GALNT1: variants seen among roughly 807,000 people sequenced by gnomAD.
GALNT1 encodes GalNAc transferase 1.
In GALNT1, 17 loss-of-function variants were observed where a neutral mutation model predicts 65.7. The observed-to-expected ratio is 0.26, with a 90% CI of 0.18 to 0.39. The LOEUF (loss-of-function observed/expected upper bound fraction) is 0.39. GALNT1 is among the 10% of genes least tolerant of loss of function. The pLI, the probability that GALNT1 is intolerant of heterozygous loss-of-function variation, is 1.00. For synonymous variants in GALNT1, 210 were observed against 219.7 expected, an observed-to-expected ratio of 0.96 and a Z score of 0.39; for missense variants, 460 against 672.8, an observed-to-expected ratio of 0.68 and a Z score of 3.50.
At chr18:35,706,848 G>GA (rs1435684166) in intron 11 of GALNT1, among the ~76,000 whole-genome samples, 2 of 152,066 alleles carry the variant, frequency 1.3e-5, no homozygotes, top group African/African-American at 4.8e-5. Flanking sequence ...TAACAGTCTA[G>GA]AAAAATAACA....
chr18:35,617,077 G>A (rs901039774), intron 1 of GALNT1, among the ~76,000 whole-genome samples: 1 of 152,028 alleles, frequency 6.6e-6, no homozygotes, highest in African/African-American at 2.4e-5. Context: ...TGTAATGCAA[G>A]CGGCGCATTG....
At chr18:35,630,719 G>C (rs2046994462) in intron 1 of GALNT1, among the ~76,000 whole-genome samples, 1 of 152,154 alleles carries the variant, frequency 6.6e-6, no homozygotes, top group South Asian at 2.1e-4. Flanking sequence ...AGAACTAAAG[G>C]AGATAGAGAC....
intron 1 of GALNT1, among the ~76,000 whole-genome samples, chr18:35,637,343 G>C (rs767922963): frequency 6.6e-6 from 1 of 152,202 alleles, no homozygotes; most frequent in Non-Finnish European, 1.5e-5. Flanking sequence ...GAAAAGTTCT[G>C]AATGGCAAGG....
At chr18:35,592,002 T>C (rs1046686842) in intron 1 of GALNT1, among the ~76,000 whole-genome samples, 3 of 152,198 alleles carry the variant, frequency 2.0e-5, no homozygotes, top group African/African-American at 7.2e-5. Context: ...CAGAGAAGGA[T>C]TCCAGGTGGA....
chr18:35,692,383 A>C (rs1370499027), intron 9 of GALNT1, 63 bp downstream of exon 9: 3 of 1,084,802 alleles, frequency 2.8e-6, no homozygotes, highest in African/African-American at 3.3e-5. Context: ...TATTAAAAAA[A>C]AATAGGAGTT....
chr18:35,667,859 T>C (rs1031036268), intron 3 of GALNT1, among the ~76,000 whole-genome samples: 2 of 152,212 alleles, frequency 1.3e-5, no homozygotes, highest in Non-Finnish European at 1.5e-5. Context: ...TGTGTGGTTG[T>C]GGTATTAAAG....
chr18:35,662,175 C>T (rs1026174311), intron 2 of GALNT1, among the ~76,000 whole-genome samples: 3 of 152,130 alleles, frequency 2.0e-5, no homozygotes, highest in Non-Finnish European at 4.4e-5. Flanking sequence ...ATAGTTTTTA[C>T]TACACTTGTT....
At chr18:35,691,223 G>A (rs1033729107) in intron 8 of GALNT1, 31 bp downstream of exon 8, 1 of 1,554,908 alleles carries the variant, frequency 6.4e-7, no homozygotes, top group East Asian at 2.3e-5. Flanking sequence ...GAAATACAAG[G>A]CTGTACCTTT....
intron 1 of GALNT1, among the ~76,000 whole-genome samples, chr18:35,598,016 C>T (rs1379857880): frequency 1.8e-5 from 1 of 54,176 alleles, no homozygotes; most frequent in East Asian, 4.9e-4. Context: ...CCCCTCCCCT[C>T]CCCTCCAATC....
chr18:35,625,483 G>T (rs2046905617), intron 1 of GALNT1, among the ~76,000 whole-genome samples: 1 of 152,208 alleles, frequency 6.6e-6, no homozygotes, highest in Non-Finnish European at 1.5e-5. Flanking sequence ...AAAGAGACTT[G>T]TGTTGCTAGG....
chr18:35,692,326 A>AG lies in GALNT1; in HGVS notation c.1299+6_1299+7insG. Reference sequence around the variant, plus strand: ...ACTATTTCTCATTGGGAGAGGTAAGAAATATATATATATATATTCTATGTG... The same window carrying AG: ...ACTATTTCTCATTGGGAGAGGTAAGAGAATATATATATATATATTCTATGTG... On this transcript the variant is annotated splice_region_variant and intron_variant, in intron 9 of 11. Transcript: ENST00000269195. 2.0e-6 allele frequency: 3 copies of AG among 1,512,280 alleles called. No individual in the cohort carries two copies. The highest frequency in any genetic ancestry group is 2.7e-6 in the Non-Finnish European group (3 of 1,106,472). 93.7% of individuals were successfully genotyped at this position (1,512,280 alleles called of 1,614,324 possible).
chr18:35,637,823 A>G lies in GALNT1; in HGVS notation c.-103-16737A>G, dbSNP rs550511583. Among the ~76,000 whole-genome samples, 26 of 152,322 alleles carry G rather than the reference A, an allele frequency of 1.7e-4. No individual in the cohort carries two copies. In the East Asian group the frequency reaches 4.6e-3, roughly 27 times the overall value. The stretch of plus-strand genomic sequence containing the variant: ...CAAAGAACAGACTGACTTTGTTAGT[A>G]GGTGATAGTGCAGCTAGTAACTTTA... On this transcript the variant is annotated intron_variant, in intron 1 of 11. Transcript: ENST00000269195.
chr18:35,589,114 A>G (rs1219088076), intron 1 of GALNT1, among the ~76,000 whole-genome samples: 1 of 152,142 alleles, frequency 6.6e-6, no homozygotes, highest in Non-Finnish European at 1.5e-5. Context: ...TGATCACTAG[A>G]GGAAATTAGA....
chr18:35,618,885 C>A (rs990230937), intron 1 of GALNT1, among the ~76,000 whole-genome samples: 4 of 152,122 alleles, frequency 2.6e-5, no homozygotes, highest in Admixed American at 1.3e-4. Context: ...GACTACAGGG[C>A]AGACCGAGTT....
At chr18:35,614,042 C>CA (rs886542816) in intron 1 of GALNT1, among the ~76,000 whole-genome samples, 2 of 152,180 alleles carry the variant, frequency 1.3e-5, no homozygotes, top group African/African-American at 4.8e-5. Flanking sequence ...AAACCAAAAA[C>CA]ACTTTATATA....
At position 35,671,031 on chromosome 18, in the gene GALNT1, A is replaced by G. The variant is rs145841838; in HGVS notation, c.315-6560A>G. ...CCAGCAAAGCCCTAAAAGATCACATAGGAGAAAATATCTTTATGATCTTGG... is the reference window on the plus strand; with the variant it reads ...CCAGCAAAGCCCTAAAAGATCACATGGGAGAAAATATCTTTATGATCTTGG... On this transcript the variant is annotated intron_variant, in intron 3 of 11. Coordinates refer to ENST00000269195, the MANE Select transcript of GALNT1 (RefSeq NM_020474.4). Among the ~76,000 whole-genome samples, 653 of 152,348 alleles carry G rather than the reference A, an allele frequency of 4.3e-3. 4 individuals carry two copies. Among genetic ancestry groups the G allele is most frequent in the Non-Finnish European group, 7.1e-3 (481 of 68,034 alleles).
intron 1 of GALNT1, among the ~76,000 whole-genome samples, chr18:35,616,796 T>C (rs546996663): frequency 6.6e-6 from 1 of 152,256 alleles, no homozygotes; most frequent in Non-Finnish European, 1.5e-5. Flanking sequence ...GGCACCACTC[T>C]TCAAATTCTG....
chr18:35,598,960 C>A (rs564996680), intron 1 of GALNT1, among the ~76,000 whole-genome samples: 2 of 140,860 alleles, frequency 1.4e-5, no homozygotes, highest in African/African-American at 2.6e-5. Flanking sequence ...TTGTGGTTTT[C>A]ATTTGCATTT....
chr18:35,701,823 G>C (rs558812783), intron 9 of GALNT1, among the ~76,000 whole-genome samples: 1 of 152,148 alleles, frequency 6.6e-6, no homozygotes, highest in Non-Finnish European at 1.5e-5. Flanking sequence ...TGTTTTGAAC[G>C]AACCGAGTTT....
Sources: allele counts gnomAD v4.1 joint callset (sites outside exome capture counted in the v4.1 genomes callset), GRCh38; gene constraint gnomAD v4.1.1; transcripts MANE v1.5; gene names NCBI Gene and HGNC (gene_info 2026-07-23, HGNC 2026-07-21).